FTO: variants seen among roughly 807,000 people sequenced by gnomAD.
FTO encodes the protein FTO alpha-ketoglutarate dependent dioxygenase.
FTO carries 47 observed loss-of-function variants against 63.9 expected under a neutral mutation model. The observed-to-expected ratio is 0.74, with a 90% CI of 0.58 to 0.94. The LOEUF (loss-of-function observed/expected upper bound fraction) is 0.94, where lower values mean the gene tolerates loss of function less well. FTO is among the 40% of genes least tolerant of loss of function. FTO has a pLI of 0.00. For synonymous variants in FTO, 207 were observed against 224.4 expected (o/e 0.92, Z 0.69); for missense variants, 562 against 618.1 (o/e 0.91, Z 0.96).
chr16:54,005,558 G>C (rs565652134), intron 8 of FTO, among the ~76,000 whole-genome samples: 1 of 151,962 alleles, frequency 6.6e-6, no homozygotes, highest in South Asian at 2.1e-4. Context: ...GAGTTCTTTG[G>C]TGAAGATATG....
At chr16:54,050,671 AAAG>A (rs1484021948) in intron 8 of FTO, among the ~76,000 whole-genome samples, 3 of 152,188 alleles carry the variant, frequency 2.0e-5, no homozygotes, top group Non-Finnish European at 4.4e-5. Context: ...TTGTGCTTTA[AAAG>A]AAGATTTTAT....
intron 8 of FTO, among the ~76,000 whole-genome samples, chr16:53,969,727 C>T (rs1477091253): frequency 6.6e-6 from 1 of 152,146 alleles, no homozygotes; most frequent in Non-Finnish European, 1.5e-5. Context: ...AAACATCTGC[C>T]TACAGCAAAC....
intron 7 of FTO, among the ~76,000 whole-genome samples, chr16:53,892,616 G>C (rs1035022628): frequency 1.3e-5 from 2 of 152,068 alleles, no homozygotes; most frequent in African/African-American, 4.8e-5. Context: ...AATCGTGCGT[G>C]TTGTGGAAGG....
In FTO at chr16:53,847,357, C is replaced by T. The variant is rs1048228142; in HGVS notation, c.895+3059C>T. On this transcript the variant is annotated intron_variant, in intron 4 of 8. Coordinates refer to ENST00000471389, the MANE Select transcript of FTO (RefSeq NM_001080432.3). ...TTCTTCCCACCTGGCATGATGCCTCCGCCTCACCTAATGGCTTTAAGACTA... is the reference window on the plus strand; with the variant it reads ...TTCTTCCCACCTGGCATGATGCCTCTGCCTCACCTAATGGCTTTAAGACTA... Among the ~76,000 whole-genome samples the T allele has an allele frequency of 7.9e-5, 12 of 152,284 alleles. No individual in the cohort carries two copies. In the South Asian group the frequency reaches 8.3e-4, roughly 11 times the overall value.
At chr16:54,110,343 GC>G (rs1374901282) in intron 8 of FTO, among the ~76,000 whole-genome samples, 1 of 152,112 alleles carries the variant, frequency 6.6e-6, no homozygotes, top group Non-Finnish European at 1.5e-5. Flanking sequence ...TCTTCTTGGG[GC>G]CCCGGGGTCA....
At chr16:53,986,138 G>A (rs762209863) in intron 8 of FTO, among the ~76,000 whole-genome samples, 10 of 152,062 alleles carry the variant, frequency 6.6e-5, no homozygotes, top group Non-Finnish European at 1.3e-4. Flanking sequence ...TTCTACTTTC[G>A]AAATAAGTTC....
chr16:53,722,759 C>T (rs775705250), intron 1 of FTO, among the ~76,000 whole-genome samples: 31 of 150,860 alleles, frequency 2.1e-4, no homozygotes, highest in African/African-American at 7.1e-4. Context: ...ACCCGGGAGG[C>T]GGAGGTTGTA....
intron 8 of FTO, among the ~76,000 whole-genome samples, chr16:53,949,031 A>G (rs1320084206): frequency 6.6e-6 from 1 of 152,224 alleles, no homozygotes; most frequent in Non-Finnish European, 1.5e-5. Flanking sequence ...AAAGTATATG[A>G]GAGTTTCCAA....
intron 8 of FTO, among the ~76,000 whole-genome samples, chr16:53,938,502 A>G (rs1050623221): frequency 1.3e-5 from 2 of 152,244 alleles, no homozygotes; most frequent in African/African-American, 4.8e-5. Flanking sequence ...TGAGTGGCAC[A>G]TGCCATGAGT....
In FTO at chr16:53,740,303, A is replaced by G. The variant is rs145840511; in HGVS notation, c.45+36074A>G. On this transcript the variant is annotated intron_variant, in intron 1 of 8. Transcript: ENST00000471389. ...GTGTATTTTTTTTAAAGAGCAGGAC[A>G]TAGTGACTGGATGTCATCAGTTACA... 2.2e-4 allele frequency among the ~76,000 whole-genome samples: 34 copies of G among 152,348 alleles called. 1 individual carries two copies. The East Asian group carries it at 6.6e-3, about 29-fold the overall frequency.
intron 8 of FTO, among the ~76,000 whole-genome samples, chr16:54,001,291 A>G (rs1450236593): frequency 6.6e-6 from 1 of 152,224 alleles, no homozygotes; most frequent in Non-Finnish European, 1.5e-5. Context: ...GTGCCATTCT[A>G]TTCCGTGAGC....
intron 1 of FTO, among the ~76,000 whole-genome samples, chr16:53,806,839 C>T (rs1347314004): frequency 6.6e-6 from 1 of 152,092 alleles, no homozygotes; most frequent in African/African-American, 2.4e-5. Flanking sequence ...ATCACTGGCT[C>T]ACATGGGAAA....
chr16:53,889,216 T>G (rs769650137), intron 7 of FTO, among the ~76,000 whole-genome samples: 10 of 152,038 alleles, frequency 6.6e-5, no homozygotes, highest in Non-Finnish European at 1.3e-4. Context: ...AATTCGAAAA[T>G]AATATTTAAC....
chr16:53,930,465 C>T (rs1173610344), intron 7 of FTO, among the ~76,000 whole-genome samples: 3 of 151,896 alleles, frequency 2.0e-5, no homozygotes, highest in Non-Finnish European at 2.9e-5. Flanking sequence ...TCTTGTGATC[C>T]ACCCATCTGG....
At chr16:53,937,945 T>C (rs971269702) in intron 8 of FTO, 1 of 152,182 alleles carries the variant, frequency 6.6e-6, no homozygotes, top group Non-Finnish European at 1.5e-5. Flanking sequence ...GGCTGAAAAT[T>C]TTGAGGGTGT....
intron 8 of FTO, among the ~76,000 whole-genome samples, chr16:53,990,488 G>T (rs1410693735): frequency 6.6e-6 from 1 of 152,048 alleles, no homozygotes; most frequent in Non-Finnish European, 1.5e-5. Flanking sequence ...CCAGACAGCG[G>T]CAGGCCAAGT....
chr16:54,027,678 C>A (rs937736359), intron 8 of FTO, among the ~76,000 whole-genome samples: 21 of 152,244 alleles, frequency 1.4e-4, no homozygotes, highest in Admixed American at 1.1e-3. Context: ...TGGTAAGTTG[C>A]AAAAAGCATG....
At position 54,096,816 on chromosome 16, in the gene FTO, C is replaced by A. The variant is rs708246; in HGVS notation, c.1365-14946C>A. Among the ~76,000 whole-genome samples the A allele has an allele frequency of 1.9e-3, 296 of 152,254 alleles. 3 individuals are homozygous for A. Among genetic ancestry groups the A allele is most frequent in the African/African-American group, 6.6e-3 (273 of 41,538 alleles). On this transcript the variant is annotated intron_variant, in intron 8 of 8. Coordinates refer to ENST00000471389, the MANE Select transcript of FTO (RefSeq NM_001080432.3). The stretch of plus-strand genomic sequence containing the variant: ...TTTCATAAGGGTACCACCCTCATGA[C>A]CTAATTACCTCCCAAAGGCCGACCT...
chr16:53,739,197 T>C (rs2076465551), intron 1 of FTO, among the ~76,000 whole-genome samples: 1 of 122,676 alleles, frequency 8.2e-6, no homozygotes, highest in African/African-American at 2.9e-5. Context: ...ATATTCTTAC[T>C]ATTACTATTT....
Sources: allele counts gnomAD v4.1 joint callset (sites outside exome capture counted in the v4.1 genomes callset), GRCh38; gene constraint gnomAD v4.1.1; transcripts MANE v1.5; gene names NCBI Gene and HGNC (gene_info 2026-07-23, HGNC 2026-07-21).